DACH2: variants seen among roughly 807,000 people sequenced by gnomAD.
DACH2 encodes the protein dachshund homolog 2.
Under a neutral mutation model 35.8 loss-of-function variants are expected in DACH2, and 17 were observed. The ratio of observed to expected loss-of-function variants is 0.48; its 90% confidence interval spans 0.33 to 0.71. The LOEUF is 0.71. Ranked by LOEUF, DACH2 falls within the 30% of genes least tolerant of loss-of-function variation. DACH2 has a pLI of 0.02. For synonymous variants in DACH2, 195 were observed against 177.3 expected, an observed-to-expected ratio of 1.10 and a Z score of -0.79; for missense variants, 469 against 472.7, an observed-to-expected ratio of 0.99 and a Z score of 0.07.
At chrX:86,584,520 T>C (rs1764082539) in intron 3 of DACH2, among the ~76,000 whole-genome samples, 1 of 111,148 alleles carries the variant, frequency 9.0e-6, no homozygotes, top group Admixed American at 9.7e-5. Context: ...CTCTTCTTTT[T>C]GTAGATTCTT....
At chrX:86,206,416 A>G (rs2032314131) in intron 1 of DACH2, among the ~76,000 whole-genome samples, 1 of 112,095 alleles carries the variant, frequency 8.9e-6, no homozygotes, top group Non-Finnish European at 1.9e-5. Context: ...TCTGTTTAGT[A>G]CCTTGTGCCC....
chrX:86,681,175 G>A lies in DACH2; in HGVS notation c.773-13846G>A, dbSNP rs960488318. On this transcript the variant is annotated intron_variant, in intron 4 of 11. Coordinates refer to ENST00000373125, the MANE Select transcript of DACH2 (RefSeq NM_053281.3). ...TATTAACAAAACTGCAACTTGAAAAGGATGTGTTCTCTTGTTTTGGTCAAG... is the reference window on the plus strand; with the variant it reads ...TATTAACAAAACTGCAACTTGAAAAAGATGTGTTCTCTTGTTTTGGTCAAG... 4.5e-5 allele frequency among the ~76,000 whole-genome samples: 5 copies of A among 111,616 alleles called. No homozygotes were observed. In the Admixed American group the frequency reaches 4.8e-4, roughly 11 times the overall value.
At chrX:86,831,801 C>A (rs1378002960) in intron 11 of DACH2, 19 of 81,713 alleles carry the variant, frequency 2.3e-4, no homozygotes, top group Non-Finnish European at 3.8e-4. Flanking sequence ...CCATTATATA[C>A]AAAAAAAAAA....
At chrX:86,693,035 G>A (rs985211554) in intron 4 of DACH2, among the ~76,000 whole-genome samples, 6 of 112,237 alleles carry the variant, frequency 5.3e-5, no homozygotes, top group African/African-American at 1.6e-4. Flanking sequence ...ATATGTCAAT[G>A]CACCAAACCA....
chrX:86,411,020 T>TTTTATATATATATATATATATA (rs1556108950), intron 2 of DACH2, among the ~76,000 whole-genome samples: 6 of 40,528 alleles, frequency 1.5e-4, no homozygotes, highest in Non-Finnish European at 2.7e-4. Flanking sequence ...ACTAATATGA[T>TTTTATATATATATATATATATA]TATATATATA....
chrX:86,464,952 A>G (rs1196130523), intron 2 of DACH2, among the ~76,000 whole-genome samples: 1 of 112,181 alleles, frequency 8.9e-6, no homozygotes. Flanking sequence ...AAATAATGTT[A>G]GAATTTAGTT....
intron 2 of DACH2, among the ~76,000 whole-genome samples, chrX:86,412,102 G>A (rs1284354910): frequency 2.7e-5 from 3 of 111,443 alleles, no homozygotes; most frequent in Non-Finnish European, 3.8e-5. Context: ...CACTGTAACT[G>A]CCTTCTTAGC....
chrX:86,565,208 A>G (rs892036350), intron 3 of DACH2, among the ~76,000 whole-genome samples: 1 of 111,658 alleles, frequency 9.0e-6, no homozygotes, highest in Non-Finnish European at 1.9e-5. Context: ...CTTATCTCCT[A>G]TCTCCTCTGT....
chrX:86,344,354 A>G (rs2035463996), intron 1 of DACH2, among the ~76,000 whole-genome samples: 1 of 107,967 alleles, frequency 9.3e-6, no homozygotes, highest in Admixed American at 1.0e-4. Flanking sequence ...ACACACACAC[A>G]CATTGAAATA....
chrX:86,364,298 G>A (rs1158553408), intron 1 of DACH2, among the ~76,000 whole-genome samples: 4 of 111,437 alleles, frequency 3.6e-5, no homozygotes, highest in African/African-American at 1.3e-4. Context: ...CACTTAATGT[G>A]ATTTTTAAGG....
chrX:86,203,959 C>T (rs193120736), intron 1 of DACH2, among the ~76,000 whole-genome samples: 3 of 111,462 alleles, frequency 2.7e-5, no homozygotes, highest in East Asian at 5.7e-4. Context: ...AGCCCTTAAC[C>T]CAATTCCTGA....
chrX:86,681,070 A>G (rs1209768919), intron 4 of DACH2, among the ~76,000 whole-genome samples: 2 of 110,641 alleles, frequency 1.8e-5, no homozygotes, highest in Non-Finnish European at 1.9e-5. Flanking sequence ...CTATCTATCT[A>G]TCTATATGTC....
rs199630866 is a variant in DACH2 at position 86,593,398 on chromosome X, T to TTTTTATTTTA, written c.641-57603_641-57594dup. Among the ~76,000 whole-genome samples the TTTTTATTTTA allele has an allele frequency of 1.3e-3, 122 of 91,457 alleles. 4 individuals carry two copies. The highest frequency in any genetic ancestry group is 5.0e-3 in the African/African-American group (98 of 19,651). 79.4% of individuals were successfully genotyped at this position (91,457 alleles called of 115,157 possible). A position where few individuals can be genotyped will look rare whatever the true frequency, so the allele number is the denominator to read the frequency against. On this transcript the variant is annotated intron_variant, in intron 3 of 11. Coordinates refer to ENST00000373125, the MANE Select transcript of DACH2 (RefSeq NM_053281.3). The stretch of plus-strand genomic sequence containing the variant: ...GATGTAATTCTTTCATATATATATT[T>TTTTTATTTTA]TTTTATTTTATTTTATTTTATTTTA...
At chrX:86,455,691 C>T (rs1039311460) in intron 2 of DACH2, among the ~76,000 whole-genome samples, 2 of 112,354 alleles carry the variant, frequency 1.8e-5, no homozygotes, top group African/African-American at 3.2e-5. Context: ...CACCCCTTTC[C>T]CTGGGAACTT....
chrX:86,512,152 T>A (rs762768738), intron 2 of DACH2, among the ~76,000 whole-genome samples: 19 of 111,523 alleles, frequency 1.7e-4, no homozygotes, highest in Non-Finnish European at 3.2e-4. Context: ...GAGCTTAGAT[T>A]CCAGTTGGGG....
At chrX:86,294,510 G>C (rs1488928903) in intron 1 of DACH2, among the ~76,000 whole-genome samples, 2 of 110,668 alleles carry the variant, frequency 1.8e-5, no homozygotes, top group Non-Finnish European at 3.8e-5. Flanking sequence ...CTGCTTTTTA[G>C]AGTTTCCAGT....
At chrX:86,574,711 G>A (rs1157927646) in intron 3 of DACH2, among the ~76,000 whole-genome samples, 2 of 111,375 alleles carry the variant, frequency 1.8e-5, no homozygotes, top group Non-Finnish European at 3.8e-5. Context: ...TATTAAATAG[G>A]AGTTTCAAAG....
At chrX:86,153,534 T>G (rs2030440034) in intron 1 of DACH2, among the ~76,000 whole-genome samples, 1 of 111,475 alleles carries the variant, frequency 9.0e-6, no homozygotes, top group African/African-American at 3.2e-5. Flanking sequence ...AATGTCAAAT[T>G]TTTGCAGAAC....
Position 86,756,325 on chromosome X carries a change from G to C in DACH2, c.1240+16443G>C, listed in dbSNP as rs757951594. On this transcript the variant is annotated intron_variant, in intron 7 of 11. Coordinates refer to ENST00000373125, the MANE Select transcript of DACH2 (RefSeq NM_053281.3). ...GCATTGAATCTGTAGATTGCTTTGG[G>C]CATTATGGTAATTTTAATATTAATT... is the stretch of plus-strand genomic sequence containing the variant. 4.5e-5 allele frequency among the ~76,000 whole-genome samples: 5 copies of C among 111,145 alleles called. No homozygotes were observed. In the South Asian group the frequency reaches 1.9e-3, roughly 42 times the overall value.
Sources: gnomAD v4.1 joint callset for allele counts (sites outside exome capture counted in the v4.1 genomes callset) on GRCh38, gnomAD v4.1.1 for gene constraint, MANE v1.5 for transcripts, NCBI Gene and HGNC (gene_info 2026-07-23, HGNC 2026-07-21) for gene names.